CLASP1: variants seen among roughly 807,000 people sequenced by gnomAD.
The protein encoded by CLASP1 is cytoplasmic linker associated protein 1.
Under a neutral mutation model 192.3 loss-of-function variants are expected in CLASP1, and 38 were observed. The ratio of observed to expected loss-of-function variants is 0.20; its 90% CI spans 0.15 to 0.26. The LOEUF is 0.26. Ranked by LOEUF, CLASP1 falls within the 10% of genes least tolerant of loss-of-function variation. The probability of loss-of-function intolerance (pLI) is 1.00; values close to 1 mark genes in which losing one functional copy is unlikely to be tolerated. For synonymous variants in CLASP1, 691 were observed against 712.8 expected (o/e 0.97, Z 0.49); for missense variants, 1,433 against 1,932.5 (o/e 0.74, Z 4.85).
chr2:121,420,121 T>C (rs1205186373), intron 22 of CLASP1, among the ~76,000 whole-genome samples: 2 of 134,096 alleles, frequency 1.5e-5, no homozygotes, highest in African/African-American at 6.9e-5. Context: ...AAATGCTTAC[T>C]ACTGCTCAGG....
At chr2:121,526,078 G>A (rs1426428123) in intron 5 of CLASP1, 158 bp from the exon 6 acceptor site, 22 of 626,190 alleles carry the variant, frequency 3.5e-5, no homozygotes, top group Non-Finnish European at 5.7e-5. Context: ...CAAAGTAAAT[G>A]TGTCCGATGG....
At chr2:121,394,456 G>A (rs556107513) in intron 30 of CLASP1, among the ~76,000 whole-genome samples, 3 of 152,332 alleles carry the variant, frequency 2.0e-5, no homozygotes, top group East Asian at 1.9e-4. Flanking sequence ...TGTGGTTTCT[G>A]AAGAGAAATG....
chr2:121,438,294 G>A (rs924094172), intron 19 of CLASP1, among the ~76,000 whole-genome samples: 28 of 152,228 alleles, frequency 1.8e-4, no homozygotes, highest in African/African-American at 6.5e-4. Context: ...ACCACAACTT[G>A]TGTGAGTAGA....
At chr2:121,397,389 T>G in intron 29 of CLASP1, 106 bp from the exon 31 acceptor site, 2 of 914,780 alleles carry the variant, frequency 2.2e-6, no homozygotes, top group Non-Finnish European at 3.3e-6. Flanking sequence ...GGGGATCTCC[T>G]TCCTTTCTCC....
intron 7 of CLASP1, among the ~76,000 whole-genome samples, chr2:121,509,559 C>CG (rs1413914540): frequency 1.3e-5 from 2 of 152,150 alleles, no homozygotes; most frequent in East Asian, 3.9e-4. Flanking sequence ...AATTTCAAGC[C>CG]GGGCACGGTG....
chr2:121,478,826 C>A (rs2092145845), intron 8 of CLASP1, among the ~76,000 whole-genome samples: 1 of 71,580 alleles, frequency 1.4e-5, no homozygotes, highest in Non-Finnish European at 2.7e-5. Flanking sequence ...CACACAACCA[C>A]ACACCACACA....
chr2:121,629,532 G>A (rs399327), intron 1 of CLASP1, among the ~76,000 whole-genome samples: 35,429 of 151,448 alleles, frequency 0.23, 7,096 homozygotes, highest in African/African-American at 0.55. Flanking sequence ...GGCTCACGCC[G>A]GTAATCCCAG....
intron 2 of CLASP1, among the ~76,000 whole-genome samples, chr2:121,591,089 A>G (rs1009775262): frequency 1.3e-5 from 2 of 152,094 alleles, no homozygotes; most frequent in African/African-American, 4.8e-5. Context: ...GGTGGTCTCC[A>G]TCTCCTGACC....
intron 6 of CLASP1, among the ~76,000 whole-genome samples, chr2:121,516,956 G>A (rs973066207): frequency 5.3e-5 from 8 of 152,160 alleles, no homozygotes; most frequent in Non-Finnish European, 8.8e-5. Flanking sequence ...ACTTGGAGGC[G>A]GAGTTTGCAG....
chr2:121,598,993 T>C (rs763753496), intron 2 of CLASP1, among the ~76,000 whole-genome samples: 18 of 152,232 alleles, frequency 1.2e-4, no homozygotes, highest in African/African-American at 4.3e-4. Flanking sequence ...AGCCTCCAAG[T>C]AGCTGGGACT....
chr2:121,555,070 G>T (rs958277383), intron 2 of CLASP1, among the ~76,000 whole-genome samples: 3 of 152,210 alleles, frequency 2.0e-5, no homozygotes, highest in Non-Finnish European at 4.4e-5. Flanking sequence ...GTTGTGGGTG[G>T]AAAGCAACAC....
intron 1 of CLASP1, among the ~76,000 whole-genome samples, chr2:121,623,703 CTT>C (rs1484173408): frequency 6.6e-6 from 1 of 152,080 alleles, no homozygotes; most frequent in African/African-American, 2.4e-5. Context: ...AATTCAATCT[CTT>C]TACTTTATTG....
At chr2:121,614,217 C>T (rs767958668) in intron 1 of CLASP1, among the ~76,000 whole-genome samples, 21 of 152,164 alleles carry the variant, frequency 1.4e-4, no homozygotes, top group Non-Finnish European at 1.9e-4. Flanking sequence ...GTGAGGAAGC[C>T]GGGCGCGGTG....
intron 8 of CLASP1, among the ~76,000 whole-genome samples, chr2:121,500,960 C>T (rs1369065517): frequency 6.6e-6 from 1 of 152,166 alleles, no homozygotes; most frequent in Non-Finnish European, 1.5e-5. Context: ...AATATTTATA[C>T]CTAGCCACTT....
intron 7 of CLASP1, among the ~76,000 whole-genome samples, chr2:121,512,412 T>C (rs1195303372): frequency 1.3e-5 from 2 of 152,240 alleles, no homozygotes; most frequent in Non-Finnish European, 2.9e-5. Context: ...ACATGATATC[T>C]TATGATGGCT....
rs60219034 is a variant in CLASP1, at chr2:121,506,490, G to GAA, written c.645-3258_645-3257dup. Among the ~76,000 whole-genome samples, 211 of 146,750 alleles carry GAA rather than the reference G, an allele frequency of 1.4e-3. 1 individual carries two copies. The highest frequency in any genetic ancestry group is 8.0e-3 in the South Asian group (37 of 4,608). Reference sequence around the variant, plus strand: ...GGGCAAAGAAGCTGACCAAAAATAGGAAAAAAAAAAGGTGGGGGGAAGGAG... The same window carrying GAA: ...GGGCAAAGAAGCTGACCAAAAATAGGAAAAAAAAAAAAGGTGGGGGGAAGGAG... On this transcript the variant is annotated intron_variant, in intron 7 of 39. Transcript: ENST00000263710.
chr2:121,381,160 G>A (rs2071546694), intron 33 of CLASP1, among the ~76,000 whole-genome samples: 1 of 152,170 alleles, frequency 6.6e-6, no homozygotes, highest in Admixed American at 6.5e-5. Context: ...ACTTTTAGAG[G>A]TATAAGAGCT....
chr2:121,547,754 A>C (rs1047571475), intron 2 of CLASP1, among the ~76,000 whole-genome samples: 2 of 152,142 alleles, frequency 1.3e-5, no homozygotes, highest in Admixed American at 6.5e-5. Flanking sequence ...ACCAAGCAAG[A>C]GTGTACCATG....
chr2:121,427,299 A>T, intron 21 of CLASP1, 105 bp downstream of exon 21: 1 of 1,348,024 alleles, frequency 7.4e-7, no homozygotes, highest in Non-Finnish European at 1.0e-6. Context: ...AAGATTAACT[A>T]AGCTTACAAT....
Sources: allele counts gnomAD v4.1 joint callset (sites outside exome capture counted in the v4.1 genomes callset), GRCh38; gene constraint gnomAD v4.1.1; transcripts MANE v1.5; gene names NCBI Gene and HGNC (gene_info 2026-07-23, HGNC 2026-07-21).